ST18: variants seen among roughly 807,000 people sequenced by gnomAD.
ST18 encodes ST18 C2H2C-type zinc finger transcription factor, also known as suppression of tumorigenicity 18 protein.
In ST18, 50 loss-of-function variants were observed where a neutral mutation model predicts 110.0. The observed-to-expected ratio is 0.45, with a 90% confidence interval of 0.36 to 0.58. ST18 has a LOEUF of 0.58. ST18 is among the 20% of genes least tolerant of loss of function. The pLI is 0.00. For missense variants in ST18, 1,306 were observed against 1,280.1 expected, an observed-to-expected ratio of 1.02 and a Z score of -0.31; for synonymous variants, 461 against 452.4, an observed-to-expected ratio of 1.02 and a Z score of -0.24.
At chr8:52,244,106 G>C (rs934695739) in intron 2 of ST18, among the ~76,000 whole-genome samples, 1 of 152,096 alleles carries the variant, frequency 6.6e-6, no homozygotes, top group Non-Finnish European at 1.5e-5. Context: ...TAGGGCATTG[G>C]GTATGGAACT....
At chr8:52,395,452 G>T (rs1183066227) in intron 2 of ST18, among the ~76,000 whole-genome samples, 3 of 152,220 alleles carry the variant, frequency 2.0e-5, no homozygotes, top group Non-Finnish European at 2.9e-5. Flanking sequence ...CCGTCAGGAA[G>T]TGAGGGCCTA....
intron 2 of ST18, among the ~76,000 whole-genome samples, chr8:52,269,684 T>C (rs2095004159): frequency 6.6e-6 from 1 of 152,178 alleles, no homozygotes; most frequent in East Asian, 1.9e-4. Flanking sequence ...TTCTCTGCAC[T>C]GCCAATTTCA....
intron 2 of ST18, among the ~76,000 whole-genome samples, chr8:52,387,250 T>G (rs1837175302): frequency 6.6e-6 from 1 of 152,212 alleles, no homozygotes; most frequent in Non-Finnish European, 1.5e-5. Context: ...TTATCATCTC[T>G]AAATCTCTTG....
intron 2 of ST18, among the ~76,000 whole-genome samples, chr8:52,275,793 G>T (rs1190666801): frequency 6.6e-6 from 1 of 152,034 alleles, no homozygotes; most frequent in Non-Finnish European, 1.5e-5. Context: ...GTGAGACAGT[G>T]CTTCCCATGC....
At chr8:52,178,639 AAAAAC>A (rs1199112123) in intron 9 of ST18, among the ~76,000 whole-genome samples, 1 of 133,064 alleles carries the variant, frequency 7.5e-6, no homozygotes, top group Non-Finnish European at 1.5e-5. Context: ...AAAAAAAAAA[AAAAAC>A]CACCAAAAAC....
intron 3 of ST18, among the ~76,000 whole-genome samples, chr8:52,225,166 T>C (rs755541): frequency 0.082 from 12,422 of 152,186 alleles, 1,074 homozygotes; most frequent in African/African-American, 0.21. Context: ...CTCCTTAAGC[T>C]CTGAAGCAAT....
At chr8:52,123,270 A>C (rs1334527796) in intron 23 of ST18, among the ~76,000 whole-genome samples, 1 of 152,206 alleles carries the variant, frequency 6.6e-6, no homozygotes. Flanking sequence ...TACATGAATG[A>C]TTTGTACGTA....
intron 2 of ST18, among the ~76,000 whole-genome samples, chr8:52,253,077 G>A (rs2094393606): frequency 6.6e-6 from 1 of 151,092 alleles, no homozygotes; most frequent in South Asian, 2.1e-4. Context: ...TATTAGCTGT[G>A]GCATGAGAGT....
intron 8 of ST18, among the ~76,000 whole-genome samples, chr8:52,204,031 ACT>A (rs1193152776): frequency 6.6e-6 from 1 of 152,086 alleles, no homozygotes; most frequent in African/African-American, 2.4e-5. Context: ...CCTTCCTTAA[ACT>A]CTCATTTCTG....
chr8:52,137,108 C>T (rs1197875912), intron 18 of ST18, among the ~76,000 whole-genome samples: 5 of 152,298 alleles, frequency 3.3e-5, no homozygotes, highest in African/African-American at 7.2e-5. Flanking sequence ...TACTTTTCCT[C>T]GGGCAAATGG....
chr8:52,324,616 C>T (rs1267428843), intron 2 of ST18, among the ~76,000 whole-genome samples: 3 of 152,212 alleles, frequency 2.0e-5, no homozygotes, highest in African/African-American at 7.2e-5. Flanking sequence ...AGTGCTTACT[C>T]TATGCCGGGT....
At chr8:52,202,258 A>G (rs1465740262) in intron 8 of ST18, among the ~76,000 whole-genome samples, 2 of 151,982 alleles carry the variant, frequency 1.3e-5, no homozygotes, top group African/African-American at 4.8e-5. Flanking sequence ...CATGCATTAC[A>G]AGCTACATTA....
At chr8:52,158,341 C>T (rs776275360) in intron 15 of ST18, among the ~76,000 whole-genome samples, 2 of 152,182 alleles carry the variant, frequency 1.3e-5, no homozygotes, top group African/African-American at 4.8e-5. Flanking sequence ...CCTGAATCAT[C>T]TCCTGTTGAT....
intron 2 of ST18, among the ~76,000 whole-genome samples, chr8:52,389,041 C>A (rs1838214852): frequency 1.3e-5 from 2 of 151,556 alleles, no homozygotes; most frequent in Non-Finnish European, 2.9e-5. Flanking sequence ...CAGACCAGGG[C>A]CCGAGAAGCG....
intron 25 of ST18, among the ~76,000 whole-genome samples, chr8:52,114,425 C>T (rs1320588443): frequency 2.6e-5 from 4 of 152,134 alleles, no homozygotes; most frequent in Non-Finnish European, 2.9e-5. Context: ...CACCATTTTC[C>T]CTCCTTTTTA....
intron 2 of ST18, among the ~76,000 whole-genome samples, chr8:52,373,431 T>C (rs909518062): frequency 6.6e-6 from 1 of 152,154 alleles, no homozygotes; most frequent in African/African-American, 2.4e-5. Context: ...GTAATGTCAG[T>C]GCATGTGCAG....
At chr8:52,277,085 T>C (rs1300386579) in intron 2 of ST18, among the ~76,000 whole-genome samples, 2 of 152,184 alleles carry the variant, frequency 1.3e-5, no homozygotes, top group East Asian at 1.9e-4. Context: ...TAAAACCTTA[T>C]GTTTCAGCTG....
chr8:52,308,273 T>A (rs971418973), intron 2 of ST18, among the ~76,000 whole-genome samples: 1 of 152,224 alleles, frequency 6.6e-6, no homozygotes, highest in African/African-American at 2.4e-5. Flanking sequence ...GCTATGCCAC[T>A]CTCACTATTT....
At chr8:52,241,199 A>G (rs2093367781) in intron 2 of ST18, among the ~76,000 whole-genome samples, 1 of 152,142 alleles carries the variant, frequency 6.6e-6, no homozygotes, top group African/African-American at 2.4e-5. Flanking sequence ...CTCCTTGTGT[A>G]CTTATGTCTG....
Sources: gnomAD v4.1 joint callset for allele counts (sites outside exome capture counted in the v4.1 genomes callset) on GRCh38, gnomAD v4.1.1 for gene constraint, MANE v1.5 for transcripts, NCBI Gene and HGNC (gene_info 2026-07-23, HGNC 2026-07-21) for gene names.